The following GPATCH2 variants were observed in gnomAD, a reference collection of about 807,000 sequenced individuals.
The protein encoded by GPATCH2 is G patch domain-containing protein 2.
GPATCH2 carries 51 observed loss-of-function variants against 58.0 expected under a neutral mutation model. That is an observed-to-expected ratio of 0.88 (90% confidence interval 0.70 to 1.11). The LOEUF is 1.11. Among genes scored for constraint, GPATCH2 ranks in the 50% most tolerant of loss-of-function variants. GPATCH2 has a pLI of 0.00. For synonymous variants in GPATCH2, 222 were observed against 218.5 expected (o/e 1.02, Z -0.14); for missense variants, 625 against 652.2 (o/e 0.96, Z 0.45).
rs6698466 is a variant in GPATCH2 at position 217,625,533 on chromosome 1, A to C, written c.57-5034T>G. On this transcript the variant is annotated intron_variant, in intron 1 of 9. Transcript: ENST00000366935. ...TTTTACAATGACTATTGCTTTTTGAAGCCTCTGTTACCAATAATTGCTATT... is the reference window on the plus strand; with the variant it reads ...TTTTACAATGACTATTGCTTTTTGACGCCTCTGTTACCAATAATTGCTATT... 7.1e-3 allele frequency among the ~76,000 whole-genome samples: 1,075 copies of C among 152,308 alleles called. 11 individuals carry two copies. Among genetic ancestry groups the C allele is most frequent in the African/African-American group, 0.025 (1,022 of 41,566 alleles).
At chr1:217,466,287 G>GA (rs59706923) in intron 8 of GPATCH2, among the ~76,000 whole-genome samples, 66 of 145,112 alleles carry the variant, frequency 4.5e-4, no homozygotes, top group African/African-American at 1.3e-3. Flanking sequence ...AACTAGAACT[G>GA]AAAAAAAAAA....
chr1:217,584,505 G>T (rs1305225494), intron 5 of GPATCH2, among the ~76,000 whole-genome samples: 1 of 151,360 alleles, frequency 6.6e-6, no homozygotes, highest in Non-Finnish European at 1.5e-5. Context: ...CTCCAGCTTG[G>T]GCGAAAGAGT....
In GPATCH2 at chr1:217,611,026, C is replaced by T; in HGVS notation, c.881G>A (p.Gly294Glu). The change falls in exon 4 of 10, where the codon GGA becomes GAA. Residue 294 changes from glycine (G) to glutamate (E), a missense_variant. Gly to Glu is a moderately conservative substitution (Grantham distance 98, BLOSUM62 -2). Transcript: ENST00000366935. ...SDWFYEKESG[G>E]ACGITGVVPW... ...CACAACTCCAGTGATACCACATGCTCCACCTGATTCCTTTTCGTAGAACCA... is the reference window on the plus strand; with the variant it reads ...CACAACTCCAGTGATACCACATGCTTCACCTGATTCCTTTTCGTAGAACCA... The T allele has an allele frequency of 6.2e-7, 1 of 1,613,544 alleles. No homozygotes were observed. The highest frequency in any genetic ancestry group is 1.7e-5 in the Admixed American group (1 of 59,944).
chr1:217,445,304 A>C lies in GPATCH2; in HGVS notation c.1366+3945T>G, dbSNP rs971585118. Among the ~76,000 whole-genome samples, 4 of 152,102 alleles carry C rather than the reference A, an allele frequency of 2.6e-5. No individual in the cohort carries two copies. In the East Asian group the frequency reaches 5.8e-4, roughly 22 times the overall value. The stretch of plus-strand genomic sequence containing the variant: ...AATTTTCATACTGTACAGTGGACAA[A>C]ATTTTTTAAAAATATAGTAGCCATA... On this transcript the variant is annotated intron_variant, in intron 9 of 9. Transcript: ENST00000366935.
intron 5 of GPATCH2, among the ~76,000 whole-genome samples, chr1:217,538,825 T>C (rs900941660): frequency 3.9e-5 from 6 of 152,184 alleles, no homozygotes; most frequent in Admixed American, 1.3e-4. Flanking sequence ...CTTAACAGTG[T>C]TGGGTCCTAA....
intron 6 of GPATCH2, among the ~76,000 whole-genome samples, chr1:217,512,266 G>A (rs1241453639): frequency 6.6e-6 from 1 of 152,158 alleles, no homozygotes; most frequent in African/African-American, 2.4e-5. Context: ...AGGCTGCAGT[G>A]AGCCATGATA....
intron 1 of GPATCH2, among the ~76,000 whole-genome samples, chr1:217,624,697 G>A (rs1231284427): frequency 1.3e-5 from 2 of 152,214 alleles, no homozygotes; most frequent in Non-Finnish European, 2.9e-5. Context: ...TGGAAATATA[G>A]CACTTTTCTA....
chr1:217,571,800 C>A (rs1472082888), intron 5 of GPATCH2, among the ~76,000 whole-genome samples: 1 of 150,224 alleles, frequency 6.7e-6, no homozygotes, highest in Non-Finnish European at 1.5e-5. Context: ...GGCTGAGGCA[C>A]GAGAATCACT....
chr1:217,623,485 C>CTA (rs1396627239), intron 1 of GPATCH2, among the ~76,000 whole-genome samples: 3 of 151,622 alleles, frequency 2.0e-5, no homozygotes, highest in African/African-American at 7.3e-5. Flanking sequence ...AATGAAATTT[C>CTA]TTAGTAATAG....
chr1:217,543,684 A>G (rs1664873400), intron 5 of GPATCH2, among the ~76,000 whole-genome samples: 1 of 152,226 alleles, frequency 6.6e-6, no homozygotes, highest in Admixed American at 6.5e-5. Flanking sequence ...CAAATATTTT[A>G]AAACAATACT....
intron 5 of GPATCH2, among the ~76,000 whole-genome samples, chr1:217,583,152 C>A (rs1667155967): frequency 6.6e-6 from 1 of 151,940 alleles, no homozygotes; most frequent in African/African-American, 2.4e-5. Flanking sequence ...ATAACTGGAG[C>A]ACAGAACCGA....
At chr1:217,444,604 T>G (rs1195372440) in intron 9 of GPATCH2, among the ~76,000 whole-genome samples, 1 of 152,230 alleles carries the variant, frequency 6.6e-6, no homozygotes, top group East Asian at 1.9e-4. Flanking sequence ...AACTGTTTAT[T>G]AAGATTCTAC....
chr1:217,620,690 C>A (rs555463669), intron 1 of GPATCH2, among the ~76,000 whole-genome samples, 191 bp from the exon 2 acceptor site: 15 of 152,190 alleles, frequency 9.9e-5, no homozygotes, highest in Admixed American at 9.8e-4. Context: ...TATATAAGTT[C>A]TTTTATTAAA....
intron 8 of GPATCH2, among the ~76,000 whole-genome samples, chr1:217,449,860 T>C (rs1474462519): frequency 6.6e-6 from 1 of 152,220 alleles, no homozygotes; most frequent in Non-Finnish European, 1.5e-5. Context: ...GTTAATTATT[T>C]ATTAGCTGAG....
chr1:217,447,987 A>G (rs1395324782), intron 9 of GPATCH2, among the ~76,000 whole-genome samples: 1 of 151,682 alleles, frequency 6.6e-6, no homozygotes, highest in Non-Finnish European at 1.5e-5. Flanking sequence ...AATCCCAACC[A>G]CTTGGGAGGC....
chr1:217,567,046 CTTT>C (rs71301102), intron 5 of GPATCH2, among the ~76,000 whole-genome samples: 1 of 133,578 alleles, frequency 7.5e-6, no homozygotes, highest in African/African-American at 3.0e-5. Flanking sequence ...TAACTTCTGG[CTTT>C]TTTTTTTTTT....
At chr1:217,517,116 T>A (rs1663202090) in intron 5 of GPATCH2, among the ~76,000 whole-genome samples, 1 of 152,180 alleles carries the variant, frequency 6.6e-6, no homozygotes, top group African/African-American at 2.4e-5. Context: ...AAAAAACCTG[T>A]AAGCTCAGTT....
At chr1:217,467,367 G>A (rs141570261) in intron 8 of GPATCH2, among the ~76,000 whole-genome samples, 3 of 152,030 alleles carry the variant, frequency 2.0e-5, no homozygotes, top group Non-Finnish European at 4.4e-5. Context: ...TTATACATTG[G>A]TATACCTATA....
At chr1:217,598,161 G>T (rs771753813) in intron 5 of GPATCH2, among the ~76,000 whole-genome samples, 7 of 152,032 alleles carry the variant, frequency 4.6e-5, no homozygotes, top group Non-Finnish European at 7.4e-5. Flanking sequence ...TGAGGTGGGA[G>T]GATTACTTGA....
Sources: allele counts gnomAD v4.1 joint callset (sites outside exome capture counted in the v4.1 genomes callset), GRCh38; gene constraint gnomAD v4.1.1; transcripts MANE v1.5; gene names NCBI Gene and HGNC (gene_info 2026-07-23, HGNC 2026-07-21).